Variants in KBTBD11 observed in about 807,000 individuals in gnomAD.
KBTBD11 encodes the protein kelch repeat and BTB domain containing 11, also known as kelch repeat and BTB domain-containing protein 11.
For missense variants in KBTBD11, 1,390 were observed against 1,001.8 expected (o/e 1.39, Z -5.23); for synonymous variants, 747 against 499.0 (o/e 1.50, Z -6.63).
At chr8:1,997,201 C>T (rs144025179) in intron 1 of KBTBD11, among the ~76,000 whole-genome samples, 3 of 152,110 alleles carry the variant, frequency 2.0e-5, no homozygotes, top group Non-Finnish European at 4.4e-5. Flanking sequence ...CAGGGAGCCT[C>T]TTAGTGGAAT....
Position 2,005,277 on chromosome 8 carries a change from A to G in KBTBD11, c.*2213A>G, listed in dbSNP as rs1817537358. ...AAATGCACTAAGAAACGTAAAGAAT[A>G]AGAGGAATTAATACCCACCATTAAA... On this transcript the variant is annotated 3_prime_UTR_variant, in exon 2 of 2. Transcript: ENST00000320248. 1 of 167,118 alleles carries G rather than the reference A, an allele frequency of 6.0e-6. No homozygotes were observed. Among genetic ancestry groups the G allele is most frequent in the South Asian group, 2.1e-4 (1 of 4,826 alleles). The allele number at this position is 167,118 out of a possible 1,614,324, so 10.4% of individuals were successfully genotyped here.
chr8:1,979,551 C>T (rs1298413561), intron 1 of KBTBD11, among the ~76,000 whole-genome samples: 1 of 152,184 alleles, frequency 6.6e-6, no homozygotes, highest in Non-Finnish European at 1.5e-5. Flanking sequence ...AATTGCATGA[C>T]CCAGGGGGCG....
chr8:1,996,820 G>C (rs1483798362), intron 1 of KBTBD11, among the ~76,000 whole-genome samples: 1 of 152,070 alleles, frequency 6.6e-6, no homozygotes, highest in African/African-American at 2.4e-5. Flanking sequence ...GTAAAGAAAT[G>C]TATAGAAACT....
rs1341374032 is a variant in KBTBD11, at chr8:2,003,144, G to C, written c.*80G>C. 1.2e-4 allele frequency: 148 copies of C among 1,247,516 alleles called. No individual in the cohort carries two copies. Among genetic ancestry groups the C allele is most frequent in the Non-Finnish European group, 1.4e-4 (140 of 988,716 alleles). 77.3% of individuals were successfully genotyped at this position (1,247,516 alleles called of 1,614,324 possible). ...CTTTGGGCCCGCGGAGGAGGACGTG[G>C]TGGGGAGTCGGGGCCGCTGGCCACG... is the stretch of plus-strand genomic sequence containing the variant. On this transcript the variant is annotated 3_prime_UTR_variant, in exon 2 of 2. Transcript: ENST00000320248.
Position 2,002,251 on chromosome 8 carries a change from C to A in KBTBD11, c.1059C>A (p.Gly353=). ...AGGGCGCGCCGGCGCGGGGCTGCGGCCTGTGCGTCCTCTACAACTACCTCT... is the reference window on the plus strand; with the variant it reads ...AGGGCGCGCCGGCGCGGGGCTGCGGACTGTGCGTCCTCTACAACTACCTCT... ...LPEGAPARGC[G]LCVLYNYLFV... is the part of the protein sequence containing the mutation. Residue 353 remains glycine, a synonymous_variant, in exon 2 of 2, where the codon GGC becomes GGA. Coordinates refer to ENST00000320248, the MANE Select transcript of KBTBD11 (RefSeq NM_014867.3). This position sits in a 1 kb window ranked among gnomAD's most constrained non-coding sequence, Gnocchi z 4.1. The A allele has an allele frequency of 7.7e-7, 1 of 1,295,922 alleles. No homozygotes were observed. The highest frequency in any genetic ancestry group is 3.3e-5 in the East Asian group (1 of 30,024). 80.3% of individuals were successfully genotyped at this position (1,295,922 alleles called of 1,614,324 possible). A position where few individuals can be genotyped will look rare whatever the true frequency, so the allele number is the denominator to read the frequency against.
rs1010402744 is a variant in KBTBD11 at position 1,973,973 on chromosome 8, C to T, written c.-909+38C>T. 8.7e-5 allele frequency: 83 copies of T among 959,058 alleles called. No individual in the cohort carries two copies. In the African/African-American group the frequency reaches 1.5e-3, roughly 17 times the overall value. The allele number at this position is 959,058 out of a possible 1,614,324, so 59.4% of individuals were successfully genotyped here. A position where few individuals can be genotyped will look rare whatever the true frequency, so the allele number is the denominator to read the frequency against. On this transcript the variant is annotated intron_variant, in intron 1 of 1. Transcript: ENST00000320248. ...CCGGGGAGGCAGCGGCGGGGCCTGG[C>T]GGGCGGAGCGGGAAGCAGCCCGAGG...
At chr8:1,994,273 C>T (rs965160951) in intron 1 of KBTBD11, among the ~76,000 whole-genome samples, 2 of 152,260 alleles carry the variant, frequency 1.3e-5, no homozygotes, top group African/African-American at 4.8e-5. Flanking sequence ...CCCAGGATCC[C>T]AGTGCTGCCC....
chr8:1,980,434 C>T (rs1816501926), intron 1 of KBTBD11, among the ~76,000 whole-genome samples: 1 of 152,150 alleles, frequency 6.6e-6, no homozygotes, highest in Admixed American at 6.5e-5. Context: ...ACCATGTTGG[C>T]CAGGATGGTC....
rs569574167 is a variant in KBTBD11, at chr8:2,004,998, T to A, written c.*1934T>A. On this transcript the variant is annotated 3_prime_UTR_variant, in exon 2 of 2. Coordinates refer to ENST00000320248, the MANE Select transcript of KBTBD11 (RefSeq NM_014867.3). Reference sequence around the variant, plus strand: ...CTCATATGCTGTTATCACTGTGATTTTACTTGTGAAATCATTCCTGTAATG... The same window carrying A: ...CTCATATGCTGTTATCACTGTGATTATACTTGTGAAATCATTCCTGTAATG... 1.8e-5 allele frequency: 3 copies of A among 167,226 alleles called. No individual in the cohort carries two copies. The highest frequency in any genetic ancestry group is 7.2e-5 in the African/African-American group (3 of 41,576). The allele number at this position is 167,226 out of a possible 1,614,324, so 10.4% of individuals were successfully genotyped here. A position where few individuals can be genotyped will look rare whatever the true frequency, so the allele number is the denominator to read the frequency against.
At chr8:1,993,366 C>CATCT (rs1816991289) in intron 1 of KBTBD11, among the ~76,000 whole-genome samples, 5 of 82,852 alleles carry the variant, frequency 6.0e-5, no homozygotes, top group Non-Finnish European at 1.2e-4. Flanking sequence ...TCGGTCCATC[C>CATCT]GTCCGTCCGT....
chr8:1,999,755 C>G (rs1817271770), intron 1 of KBTBD11, among the ~76,000 whole-genome samples: 1 of 152,212 alleles, frequency 6.6e-6, no homozygotes, highest in South Asian at 2.1e-4. Context: ...GAAGCTGATT[C>G]CAGAGAAGCA....
intron 1 of KBTBD11, among the ~76,000 whole-genome samples, chr8:1,979,231 C>T (rs1256829063): frequency 6.6e-6 from 1 of 152,212 alleles, no homozygotes; most frequent in Non-Finnish European, 1.5e-5. Context: ...TCGGGAACCT[C>T]CGCCTTTTTA....
chr8:1,999,132 G>C (rs1817251953), intron 1 of KBTBD11, among the ~76,000 whole-genome samples: 1 of 152,146 alleles, frequency 6.6e-6, no homozygotes. Flanking sequence ...ACATTTTATT[G>C]TGAAAGATAT....
rs910178589 is a variant in KBTBD11, at chr8:1,973,756, C to A, written c.-1088C>A. 2.2e-5 allele frequency: 22 copies of A among 983,704 alleles called. No individual in the cohort carries two copies. Among genetic ancestry groups the A allele is most frequent in the African/African-American group, 3.5e-5 (2 of 57,072 alleles). The allele number at this position is 983,704 out of a possible 1,614,324, so 60.9% of individuals were successfully genotyped here. On this transcript the variant is annotated 5_prime_UTR_variant, in exon 1 of 2. Transcript: ENST00000320248. ...CTGGAGAGGCGGAGAGGCCTGTCCACCGCCCCCTCTGCCGCCCACGCCCCG... is the reference window on the plus strand; with the variant it reads ...CTGGAGAGGCGGAGAGGCCTGTCCAACGCCCCCTCTGCCGCCCACGCCCCG...
chr8:1,984,460 T>C (rs13251359), intron 1 of KBTBD11, among the ~76,000 whole-genome samples: 49,138 of 151,570 alleles, frequency 0.32, 8,078 homozygotes, highest in African/African-American at 0.34. Context: ...GCTAATTTTT[T>C]GTGTTTTTAG....
At position 2,001,570 on chromosome 8, in the gene KBTBD11, C is replaced by T. The variant is rs1431274632; in HGVS notation, c.378C>T (p.Pro126=). 1.7e-5 allele frequency: 24 copies of T among 1,445,536 alleles called. No homozygotes were observed. The highest frequency in any genetic ancestry group is 2.1e-5 in the Non-Finnish European group (23 of 1,104,924). 89.5% of individuals were successfully genotyped at this position (1,445,536 alleles called of 1,614,324 possible). Residue 126 remains proline, a synonymous_variant, in exon 2 of 2, where the codon CCC becomes CCT. Transcript: ENST00000320248. ...DPASPEEPGE[P]APVPPGFGAV... ...CGTCCCCCGAGGAGCCCGGGGAGCC[C>T]GCGCCCGTACCCCCGGGGTTCGGGG...
intron 1 of KBTBD11, among the ~76,000 whole-genome samples, chr8:1,992,120 G>A (rs1327397599): frequency 6.6e-6 from 1 of 152,056 alleles, no homozygotes; most frequent in Non-Finnish European, 1.5e-5. Context: ...CTGGACTCTG[G>A]CCCCACCTGT....
rs1297668054 is a variant in KBTBD11, at chr8:2,000,403, A to C, written c.-790A>C. The C allele has an allele frequency of 6.6e-6, 1 of 152,284 alleles. No individual in the cohort carries two copies. The highest frequency in any genetic ancestry group is 2.4e-5 in the African/African-American group (1 of 41,452). 9.4% of individuals were successfully genotyped at this position (152,284 alleles called of 1,614,324 possible). Reference sequence around the variant, plus strand: ...TCCAGGAGCACAGCGGCTTCTCCTAACATCCCCCTGGCAGTGAATTACGGA... The same window carrying C: ...TCCAGGAGCACAGCGGCTTCTCCTACCATCCCCCTGGCAGTGAATTACGGA... On this transcript the variant is annotated 5_prime_UTR_variant, in exon 2 of 2. Transcript: ENST00000320248.
chr8:1,987,596 T>C (rs1157380144), intron 1 of KBTBD11, among the ~76,000 whole-genome samples: 1 of 152,156 alleles, frequency 6.6e-6, no homozygotes, highest in Non-Finnish European at 1.5e-5. Flanking sequence ...CAAGCTTGTC[T>C]GTACCTCGAG....
Sources: allele counts gnomAD v4.1 joint callset (sites outside exome capture counted in the v4.1 genomes callset), GRCh38; gene constraint gnomAD v4.1.1; non-coding constraint Gnocchi (gnomAD v3.1); transcripts MANE v1.5; gene names NCBI Gene and HGNC (gene_info 2026-07-23, HGNC 2026-07-21).